LYST: variants seen among roughly 807,000 people sequenced by gnomAD.
LYST encodes the protein lysosomal-trafficking regulator.
Under a neutral mutation model 413.6 loss-of-function variants are expected in LYST, and 192 were observed. That is an observed-to-expected ratio of 0.46 (90% CI 0.41 to 0.52). LYST has a LOEUF of 0.52. Among genes scored for constraint, LYST ranks in the 20% least tolerant of loss-of-function variants. The pLI is 0.00. For synonymous variants in LYST, 1,525 were observed against 1,567.3 expected (o/e 0.97, Z 0.64); for missense variants, 3,815 against 4,499.9 (o/e 0.85, Z 4.35).
intron 1 of LYST, among the ~76,000 whole-genome samples, chr1:235,866,388 C>A (rs1351921605): frequency 6.6e-6 from 1 of 152,166 alleles, no homozygotes; most frequent in African/African-American, 2.4e-5. Flanking sequence ...GGTGGTGGCG[C>A]GGAAACCGTC....
In LYST at chr1:235,825,570, A is replaced by G. The variant is rs560365918; in HGVS notation, c.192+4656T>C. Among the ~76,000 whole-genome samples, 6 of 152,352 alleles carry G rather than the reference A, an allele frequency of 3.9e-5. No individual in the cohort carries two copies. The South Asian group carries it at 1.2e-3, about 32-fold the overall frequency. ...ACAACAGGAAAATAAAAAAATTTAAATACCATTTATAATAGCATCAAAAAG... is the reference window on the plus strand; with the variant it reads ...ACAACAGGAAAATAAAAAAATTTAAGTACCATTTATAATAGCATCAAAAAG... On this transcript the variant is annotated intron_variant, in intron 3 of 52. Transcript: ENST00000389793.
chr1:235,793,669 G>T, intron 10 of LYST, 57 bp from the exon 11 acceptor site: 1 of 893,272 alleles, frequency 1.1e-6, no homozygotes, highest in South Asian at 1.4e-5. Context: ...AGGAATAAAT[G>T]AGCAATTTCA....
In LYST at chr1:235,720,910, A is replaced by G. The variant is rs1341493770; in HGVS notation, c.9316-5T>C. The G allele has an allele frequency of 1.8e-5, 29 of 1,613,236 alleles. No homozygotes were observed. The highest frequency in any genetic ancestry group is 2.2e-5 in the Non-Finnish European group (26 of 1,179,506). ...GTGGTATACATCATCACGAACCTAAAAGGGAAGGAGAAGAAAAAAACCCAG... is the reference window on the plus strand; with the variant it reads ...GTGGTATACATCATCACGAACCTAAGAGGGAAGGAGAAGAAAAAAACCCAG... On this transcript the variant is annotated splice_polypyrimidine_tract_variant and splice_region_variant and intron_variant, in intron 39 of 52. Coordinates refer to ENST00000389793, the MANE Select transcript of LYST (RefSeq NM_000081.4).
At chr1:235,680,841 C>T (rs888416541) in intron 48 of LYST, among the ~76,000 whole-genome samples, 4 of 152,124 alleles carry the variant, frequency 2.6e-5, no homozygotes, top group Admixed American at 2.6e-4. Flanking sequence ...TCAGGTGATC[C>T]GCCTGCCTCA....
At position 235,693,388 on chromosome 1, in the gene LYST, G is replaced by A. The variant is rs775457390; in HGVS notation, c.10663C>T (p.Pro3555Ser). The A allele has an allele frequency of 1.9e-6, 3 of 1,613,016 alleles. No individual in the cohort carries two copies. The highest frequency in any genetic ancestry group is 1.7e-6 in the Non-Finnish European group (2 of 1,179,054). ...ILRLKSKQSEPPVNFIQSSQQ... is the reference protein window; with the variant it reads ...ILRLKSKQSESPVNFIQSSQQ... ...GAACTTTGAATAAAGTTTACTGGAG[G>A]CTCACTTTGTTTACTCTTCAACCTT... The change falls in exon 47 of 53, where the codon CCT (proline) becomes TCT (serine). Residue 3555 changes from proline (P) to serine (S), a missense_variant. By Grantham distance (74) the Pro-to-Ser change is moderately conservative. This residue lies in a region of LYST where 866 missense variants were observed against 1,156.0 expected (regional missense o/e 0.75). Transcript: ENST00000389793.
At chr1:235,757,485 C>G in intron 23 of LYST, 27 bp from the exon 24 acceptor site, 1 of 1,578,472 alleles carries the variant, frequency 6.3e-7, no homozygotes, top group Non-Finnish European at 8.7e-7. Flanking sequence ...AAAAGTCTTA[C>G]TAACATGACA....
At position 235,686,353 on chromosome 1, in the gene LYST, G is replaced by T. The variant is rs1024827461; in HGVS notation, c.10800+596C>A. On this transcript the variant is annotated intron_variant, in intron 48 of 52. Transcript: ENST00000389793. This position sits in a 1 kb window ranked among gnomAD's most constrained non-coding sequence, Gnocchi z 4.0. ...TTGCATTCCAGCTTAGGCAAGAGAG[G>T]GAGGTTCTGTCTCAAAAAACAAAAA... Among the ~76,000 whole-genome samples, 1 of 152,098 alleles carries T rather than the reference G, an allele frequency of 6.6e-6. No homozygotes were observed. The highest frequency in any genetic ancestry group is 1.5e-5 in the Non-Finnish European group (1 of 68,008).
chr1:235,719,841 C>T (rs1663188724), intron 40 of LYST, among the ~76,000 whole-genome samples: 1 of 151,752 alleles, frequency 6.6e-6, no homozygotes, highest in Non-Finnish European at 1.5e-5. Context: ...GTTTTTCCAA[C>T]AAGTCAATGT....
chr1:235,852,605 A>G (rs1392107642), intron 1 of LYST, among the ~76,000 whole-genome samples: 2 of 152,240 alleles, frequency 1.3e-5, no homozygotes, highest in Non-Finnish European at 2.9e-5. Context: ...GAACACAGTC[A>G]TATGTAAGAC....
chr1:235,709,345 C>T (rs1231770714), intron 43 of LYST, 37 bp from the exon 44 acceptor site: 1 of 1,494,904 alleles, frequency 6.7e-7, no homozygotes, highest in South Asian at 1.2e-5. Flanking sequence ...TTAACTCCCC[C>T]ACAGCAAGTT....
intron 10 of LYST, among the ~76,000 whole-genome samples, chr1:235,794,363 CTATT>C (rs747321030): frequency 1.3e-5 from 2 of 152,098 alleles, no homozygotes; most frequent in Non-Finnish European, 2.9e-5. Flanking sequence ...ATACCACAAA[CTATT>C]TAGTTTGAAC....
intron 34 of LYST, 144 bp from the exon 35 acceptor site, chr1:235,731,321 A>C: frequency 1.3e-6 from 1 of 743,350 alleles, no homozygotes; most frequent in Non-Finnish European, 2.4e-6. Context: ...TTGATCAGGG[A>C]ATGCATATAC....
chr1:235,741,976 G>A (rs1287740943), intron 30 of LYST, among the ~76,000 whole-genome samples: 2 of 152,178 alleles, frequency 1.3e-5, no homozygotes, highest in Admixed American at 6.5e-5. Flanking sequence ...GATGACCCTT[G>A]AGGACATTAT....
chr1:235,844,398 C>T (rs1677554132), intron 1 of LYST, among the ~76,000 whole-genome samples: 1 of 152,166 alleles, frequency 6.6e-6, no homozygotes, highest in Non-Finnish European at 1.5e-5. Flanking sequence ...CCACATTCTA[C>T]AGTTGAGAAA....
chr1:235,769,103 C>T (rs1668411621), intron 20 of LYST, among the ~76,000 whole-genome samples: 1 of 151,970 alleles, frequency 6.6e-6, no homozygotes, highest in Non-Finnish European at 1.5e-5. Context: ...AACTAACAAA[C>T]TGTATGTACA....
intron 3 of LYST, among the ~76,000 whole-genome samples, chr1:235,814,393 A>G (rs969524426): frequency 2.0e-5 from 3 of 152,210 alleles, no homozygotes; most frequent in Admixed American, 2.0e-4. Context: ...CCAGGGTGAG[A>G]ATATAGAATG....
At chr1:235,776,355 TTAGA>T (rs1669235703) in intron 17 of LYST, among the ~76,000 whole-genome samples, 1 of 152,152 alleles carries the variant, frequency 6.6e-6, no homozygotes. Context: ...TTAAAGAAAG[TTAGA>T]TAGGGAGACT....
intron 1 of LYST, among the ~76,000 whole-genome samples, chr1:235,840,698 T>A (rs980904740): frequency 5.3e-5 from 8 of 152,190 alleles, no homozygotes; most frequent in African/African-American, 1.9e-4. Context: ...TGGTCAATCT[T>A]GAACACATAG....
intron 1 of LYST, among the ~76,000 whole-genome samples, chr1:235,877,080 C>A (rs1332377981): frequency 6.6e-6 from 1 of 152,240 alleles, no homozygotes; most frequent in Non-Finnish European, 1.5e-5. Flanking sequence ...TGGACAAAAG[C>A]ATCTGAGATT....
Sources: allele counts gnomAD v4.1 joint callset (sites outside exome capture counted in the v4.1 genomes callset), GRCh38; gene constraint gnomAD v4.1.1; regional missense constraint gnomAD v4.1.1; non-coding constraint Gnocchi (gnomAD v3.1); transcripts MANE v1.5; gene names NCBI Gene and HGNC (gene_info 2026-07-23, HGNC 2026-07-21).